Variants in VSTM2A observed in about 807,000 individuals in gnomAD.
VSTM2A encodes the protein V-set and transmembrane domain-containing protein 2A.
Under a neutral mutation model 27.3 loss-of-function variants are expected in VSTM2A, and 13 were observed. That is an observed-to-expected ratio of 0.48 (90% CI 0.31 to 0.76). The LOEUF is 0.76. Among genes scored for constraint, VSTM2A ranks in the 30% least tolerant of loss-of-function variants. VSTM2A has a pLI of 0.05. For synonymous variants in VSTM2A, 142 were observed against 125.7 expected (o/e 1.13, Z -0.87); for missense variants, 280 against 310.0 (o/e 0.90, Z 0.73).
At chr7:54,557,283 C>T (rs536165084) in intron 4 of VSTM2A, 1 of 152,014 alleles carries the variant, frequency 6.6e-6, no homozygotes, top group East Asian at 1.9e-4. Flanking sequence ...TCAGCTCCAT[C>T]ACTCACAGCA....
intron 2 of VSTM2A, among the ~76,000 whole-genome samples, chr7:54,545,605 C>T (rs1171676615): frequency 5.2e-5 from 1 of 19,254 alleles, no homozygotes; most frequent in Non-Finnish European, 8.8e-5. Flanking sequence ...GAGAGAGGGA[C>T]GGGGAGGGGG....
At chr7:54,552,707 TTATTC>T (rs1409653806) in intron 4 of VSTM2A, among the ~76,000 whole-genome samples, 3 of 152,350 alleles carry the variant, frequency 2.0e-5, no homozygotes, top group Admixed American at 6.5e-5. Context: ...CTTTATTTCA[TTATTC>T]TATGAAAGGC....
intron 4 of VSTM2A, chr7:54,568,878 C>A: frequency 1.0e-6 from 1 of 957,562 alleles, no homozygotes; most frequent in Non-Finnish European, 1.5e-6. Context: ...CAGTGCATGC[C>A]AAGACATTCA....
At chr7:54,542,854 T>C (rs1472861024) in intron 1 of VSTM2A, 45 bp downstream of exon 1, 2 of 1,561,198 alleles carry the variant, frequency 1.3e-6, no homozygotes, top group East Asian at 2.2e-5. Flanking sequence ...TGCGTGTGTG[T>C]GTGTTTCCTA....
intron 4 of VSTM2A, among the ~76,000 whole-genome samples, chr7:54,566,492 G>A (rs1481816905): frequency 6.6e-6 from 1 of 152,196 alleles, no homozygotes; most frequent in Non-Finnish European, 1.5e-5. Context: ...GTTCAGAGGA[G>A]AGAGAGATTA....
intron 4 of VSTM2A, among the ~76,000 whole-genome samples, chr7:54,568,807 C>G (rs1413349513): frequency 4.6e-5 from 7 of 152,292 alleles, no homozygotes; most frequent in Non-Finnish European, 1.0e-4. Context: ...TGTTTGAAAA[C>G]AGACAAAACA....
chr7:54,550,351 T>C lies in VSTM2A; in HGVS notation c.634+181T>C, dbSNP rs546175159. 2.8e-6 allele frequency: 4 copies of C among 1,446,324 alleles called. 1 individual carries two copies. Among genetic ancestry groups the C allele is most frequent in the South Asian group, 3.0e-5 (2 of 66,658 alleles). The allele number at this position is 1,446,324 out of a possible 1,614,324, so 89.6% of individuals were successfully genotyped here. A position where few individuals can be genotyped will look rare whatever the true frequency, so the allele number is the denominator to read the frequency against. The stretch of plus-strand genomic sequence containing the variant: ...ACCAATTCACTCAGAGCTCAAAGCA[T>C]GTGGGTGCACCCCGTCAGTCCCCTA... On this transcript the variant is annotated intron_variant, in intron 4 of 4. Transcript: ENST00000402613.
intron 4 of VSTM2A, among the ~76,000 whole-genome samples, chr7:54,562,510 G>A (rs1788593684): frequency 6.6e-6 from 1 of 152,164 alleles, no homozygotes; most frequent in African/African-American, 2.4e-5. Flanking sequence ...CAACTGATGA[G>A]CGATTTCTCA....
chr7:54,545,396 G>T (rs568781342), intron 2 of VSTM2A, among the ~76,000 whole-genome samples: 3 of 148,748 alleles, frequency 2.0e-5, no homozygotes, highest in Non-Finnish European at 4.5e-5. Context: ...GACGGAGAGA[G>T]GGAAGGGGGA....
intron 1 of VSTM2A, 71 bp downstream of exon 1, chr7:54,542,880 G>C (rs1787830547): frequency 7.0e-7 from 1 of 1,419,286 alleles, no homozygotes; most frequent in African/African-American, 1.4e-5. Flanking sequence ...AAAAAGAATG[G>C]ACAGGCAGAT....
rs780692511 is a variant in VSTM2A at position 54,544,609 on chromosome 7, T to C, written c.80-13T>C. Reference sequence around the variant, plus strand: ...GTGTGGATATTCCAACAGGATGCCTTTCTGTTTTGCAGCAAAATTTACCGA... The same window carrying C: ...GTGTGGATATTCCAACAGGATGCCTCTCTGTTTTGCAGCAAAATTTACCGA... On this transcript the variant is annotated splice_polypyrimidine_tract_variant and intron_variant, in intron 1 of 4. Coordinates refer to ENST00000402613, the MANE Select transcript of VSTM2A (RefSeq NM_001301009.2). The C allele has an allele frequency of 6.2e-7, 1 of 1,612,616 alleles. No homozygotes were observed. The highest frequency in any genetic ancestry group is 8.5e-7 in the Non-Finnish European group (1 of 1,179,838).
rs536577469 is a variant in VSTM2A, at chr7:54,549,578, G to C, written c.298-256G>C. On this transcript the variant is annotated intron_variant, in intron 3 of 4. Transcript: ENST00000402613. ...AGCTGCTACTGGCATGTAGACAATGGGGGGCACGTGGCTGACAGAATCTGG... is the reference window on the plus strand; with the variant it reads ...AGCTGCTACTGGCATGTAGACAATGCGGGGCACGTGGCTGACAGAATCTGG... Among the ~76,000 whole-genome samples, 353 of 152,304 alleles carry C rather than the reference G, an allele frequency of 2.3e-3. 2 individuals carry two copies. The highest frequency in any genetic ancestry group is 8.0e-3 in the African/African-American group (334 of 41,572).
intron 1 of VSTM2A, 25 bp from the exon 2 acceptor site, chr7:54,544,597 A>G: frequency 1.2e-6 from 2 of 1,612,760 alleles, no homozygotes; most frequent in Non-Finnish European, 1.7e-6. Context: ...TGGATATTCC[A>G]ACAGGATGCC....
chr7:54,548,696 A>T (rs1459397731), intron 3 of VSTM2A, among the ~76,000 whole-genome samples: 1 of 152,178 alleles, frequency 6.6e-6, no homozygotes, highest in Non-Finnish European at 1.5e-5. Flanking sequence ...TTTTTATAGT[A>T]TTAGTATATT....
intron 3 of VSTM2A, among the ~76,000 whole-genome samples, chr7:54,547,655 G>T (rs528495698): frequency 3.9e-5 from 6 of 152,090 alleles, no homozygotes; most frequent in African/African-American, 1.4e-4. Flanking sequence ...CAAATGAGCC[G>T]CATAGCATCA....
intron 3 of VSTM2A, 37 bp downstream of exon 3, chr7:54,547,034 C>T (rs754929263): frequency 6.4e-6 from 10 of 1,557,206 alleles, no homozygotes; most frequent in Non-Finnish European, 8.7e-6. Flanking sequence ...CGGGCCCAGG[C>T]TCGGGACGCA....
chr7:54,547,354 T>C (rs778268258), intron 3 of VSTM2A, among the ~76,000 whole-genome samples: 17 of 152,232 alleles, frequency 1.1e-4, no homozygotes, highest in Admixed American at 2.0e-4. Flanking sequence ...AACAGTAACA[T>C]AGGAAAATAT....
In VSTM2A at chr7:54,566,489, G is replaced by A. The variant is rs141687165; in HGVS notation, c.635-2642G>A. On this transcript the variant is annotated intron_variant, in intron 4 of 4. Transcript: ENST00000402613. ...AAAGAAAATACTGCTGAAGTTCAGA[G>A]GAGAGAGAGATTACAACTAGCTATT... Among the ~76,000 whole-genome samples the A allele has an allele frequency of 3.0e-3, 462 of 152,298 alleles. 2 individuals carry two copies. The highest frequency in any genetic ancestry group is 0.01 in the African/African-American group (419 of 41,554).
At position 54,569,257 on chromosome 7, in the gene VSTM2A, A is replaced by G; in HGVS notation, c.*38A>G. 6.4e-7 allele frequency: 1 copy of G among 1,551,174 alleles called. No individual in the cohort carries two copies. The highest frequency in any genetic ancestry group is 8.7e-7 in the Non-Finnish European group (1 of 1,146,764). ...GGAGCGCCTGCTTCCGGAAGCATAA[A>G]TGAAGAGGCTATCACATGCTTTGTT... On this transcript the variant is annotated 3_prime_UTR_variant, in exon 5 of 5. Transcript: ENST00000402613.
Sources: allele counts gnomAD v4.1 joint callset (sites outside exome capture counted in the v4.1 genomes callset), GRCh38; gene constraint gnomAD v4.1.1; transcripts MANE v1.5; gene names NCBI Gene and HGNC (gene_info 2026-07-23, HGNC 2026-07-21).